The following SORCS3 variants were observed in gnomAD, a reference collection of about 807,000 sequenced individuals.
SORCS3 encodes VPS10 domain-containing receptor SorCS3.
A neutral mutation model predicts 146.3 loss-of-function variants in SORCS3; 57 were observed. That is an observed-to-expected ratio of 0.39 (90% CI 0.31 to 0.49). SORCS3 has a LOEUF of 0.49. SORCS3 is among the 20% of genes least tolerant of loss of function. SORCS3 has a pLI of 0.92. For synonymous variants in SORCS3, 653 were observed against 618.5 expected, an observed-to-expected ratio of 1.06 and a Z score of -0.83; for missense variants, 1,341 against 1,575.5, an observed-to-expected ratio of 0.85 and a Z score of 2.52.
chr10:104,747,597 C>T (rs951618176), intron 1 of SORCS3, among the ~76,000 whole-genome samples: 6 of 152,178 alleles, frequency 3.9e-5, no homozygotes, highest in Non-Finnish European at 8.8e-5. Context: ...AAATGCTTCC[C>T]ATATGTGGTG....
At chr10:104,917,919 G>A (rs1410772963) in intron 3 of SORCS3, among the ~76,000 whole-genome samples, 5 of 152,202 alleles carry the variant, frequency 3.3e-5, no homozygotes, top group Admixed American at 6.5e-5. Flanking sequence ...CATGGCTGTT[G>A]TGAGTAGTGC....
intron 9 of SORCS3, among the ~76,000 whole-genome samples, chr10:105,149,891 T>C (rs191120109): frequency 6.6e-6 from 1 of 152,320 alleles, no homozygotes; most frequent in Admixed American, 6.5e-5. Context: ...AATTTTTTTC[T>C]TTCCACTTAA....
At position 104,641,545 on chromosome 10, in the gene SORCS3, C is replaced by T. The variant is rs1448749912; in HGVS notation, c.218C>T (p.Ala73Val). ...AVASQWPEEL[A>V]SARRAAVLGR... ...GCCAGCCAGTGGCCGGAGGAGCTGG[C>T]GTCGGCGCGGAGAGCCGCCGTGCTG... The change falls in exon 1 of 27, where the codon GCG becomes GTG. Residue 73 changes from alanine to valine, a missense_variant. Physicochemically the swap from Ala to Val is moderately conservative, Grantham distance 64. Transcript: ENST00000369701. The surrounding 1 kb of genome is among the most constrained non-coding windows in gnomAD (Gnocchi z 6.4). The T allele has an allele frequency of 1.4e-6, 2 of 1,471,536 alleles. No homozygotes were observed. Among genetic ancestry groups the T allele is most frequent in the Non-Finnish European group, 1.8e-6 (2 of 1,121,318 alleles). The allele number at this position is 1,471,536 out of a possible 1,614,324, so 91.2% of individuals were successfully genotyped here.
chr10:104,767,111 T>C (rs2017190152), intron 1 of SORCS3, among the ~76,000 whole-genome samples: 1 of 152,150 alleles, frequency 6.6e-6, no homozygotes, highest in East Asian at 1.9e-4. Context: ...ATCCCCAAGT[T>C]CTCCTTGCCT....
At chr10:104,793,885 C>T (rs1278737491) in intron 1 of SORCS3, among the ~76,000 whole-genome samples, 1 of 152,066 alleles carries the variant, frequency 6.6e-6, no homozygotes, top group Non-Finnish European at 1.5e-5. Flanking sequence ...ATTTAGGTGG[C>T]AATGAAACCG....
At chr10:104,973,173 C>T (rs1227682251) in intron 3 of SORCS3, among the ~76,000 whole-genome samples, 1 of 152,184 alleles carries the variant, frequency 6.6e-6, no homozygotes, top group African/African-American at 2.4e-5. Flanking sequence ...GGTTGTGTCT[C>T]TGCCCAGCTT....
chr10:104,757,830 C>G (rs187599056), intron 1 of SORCS3, among the ~76,000 whole-genome samples: 96 of 148,770 alleles, frequency 6.5e-4, no homozygotes, highest in African/African-American at 2.3e-3. Context: ...GTGCTTGATT[C>G]TCTACTTGCG....
chr10:104,886,124 C>T (rs930399069), intron 2 of SORCS3, among the ~76,000 whole-genome samples: 1 of 152,148 alleles, frequency 6.6e-6, no homozygotes, highest in African/African-American at 2.4e-5. Flanking sequence ...CTCCATGCTC[C>T]ATAGTCCTTA....
At chr10:104,751,663 A>G (rs1239183370) in intron 1 of SORCS3, among the ~76,000 whole-genome samples, 2 of 151,920 alleles carry the variant, frequency 1.3e-5, no homozygotes, top group African/African-American at 4.8e-5. Flanking sequence ...GTGAAATGAG[A>G]GGCTAAAATC....
At chr10:104,825,816 G>A (rs1204494772) in intron 1 of SORCS3, among the ~76,000 whole-genome samples, 1 of 152,136 alleles carries the variant, frequency 6.6e-6, no homozygotes, top group Non-Finnish European at 1.5e-5. Context: ...GAATGAGAGT[G>A]AATGGATTTT....
At chr10:105,109,192 CTCTT>C (rs1347313122) in intron 7 of SORCS3, among the ~76,000 whole-genome samples, 8 of 152,116 alleles carry the variant, frequency 5.3e-5, no homozygotes, top group Non-Finnish European at 8.8e-5. Context: ...TTTTCTCCCT[CTCTT>C]TAATTCTTCC....
intron 1 of SORCS3, among the ~76,000 whole-genome samples, chr10:104,736,798 T>C (rs568980306): frequency 3.3e-5 from 5 of 151,426 alleles, no homozygotes; most frequent in African/African-American, 1.2e-4. Flanking sequence ...ATTATTATTA[T>C]ACTTAAAGTT....
At chr10:104,670,036 C>CGAA (rs1334006738) in intron 1 of SORCS3, among the ~76,000 whole-genome samples, 3 of 151,982 alleles carry the variant, frequency 2.0e-5, no homozygotes, top group Non-Finnish European at 4.4e-5. Context: ...GGAGAAATGT[C>CGAA]TATTCAAGTC....
intron 1 of SORCS3, among the ~76,000 whole-genome samples, chr10:104,651,535 A>T (rs1462520862): frequency 6.7e-4 from 94 of 140,694 alleles, no homozygotes; most frequent in African/African-American, 2.0e-3. Context: ...GGCTCTACTA[A>T]AAAAAAAAAA....
rs114528742 is a variant in SORCS3, at chr10:104,782,617, T to C, written c.628-60175T>C. Among the ~76,000 whole-genome samples the C allele has an allele frequency of 5.7e-3, 869 of 152,342 alleles. 6 individuals carry two copies. Among genetic ancestry groups the C allele is most frequent in the African/African-American group, 0.02 (829 of 41,582 alleles). On this transcript the variant is annotated intron_variant, in intron 1 of 26. Coordinates refer to ENST00000369701, the MANE Select transcript of SORCS3 (RefSeq NM_014978.3). ...TATTCCAAGGGAACTCATTCTGTTG[T>C]AGAGTTAGAACACTCTTCTTATGTT... is the stretch of plus-strand genomic sequence containing the variant.
At chr10:104,736,455 C>T (rs1487408982) in intron 1 of SORCS3, among the ~76,000 whole-genome samples, 3 of 152,140 alleles carry the variant, frequency 2.0e-5, no homozygotes, top group South Asian at 2.1e-4. Context: ...TGTTTTGTTG[C>T]ACATGAGGGC....
intron 7 of SORCS3, among the ~76,000 whole-genome samples, chr10:105,106,338 C>T (rs2055821679): frequency 1.3e-5 from 2 of 152,208 alleles, no homozygotes; most frequent in Admixed American, 6.5e-5. Flanking sequence ...CTCTACCTGA[C>T]CCCTGGTAGT....
At chr10:104,649,661 C>T (rs943717867) in intron 1 of SORCS3, among the ~76,000 whole-genome samples, 4 of 152,110 alleles carry the variant, frequency 2.6e-5, no homozygotes, top group African/African-American at 9.7e-5. Context: ...TCTTTTATGT[C>T]GTGCTAAAGT....
In SORCS3 at chr10:105,042,211, G is replaced by A. The variant is rs79936893; in HGVS notation, c.955-844G>A. On this transcript the variant is annotated intron_variant, in intron 4 of 26. Coordinates refer to ENST00000369701, the MANE Select transcript of SORCS3 (RefSeq NM_014978.3). ...TACTATGAACAGCTTCTTAGAGGCA[G>A]GCAGTGAATACAGTGGTGGCACCGT... Among the ~76,000 whole-genome samples the A allele has an allele frequency of 2.2e-3, 338 of 152,252 alleles. 2 individuals carry two copies. Among genetic ancestry groups the A allele is most frequent in the African/African-American group, 7.4e-3 (308 of 41,558 alleles).
Sources: allele counts gnomAD v4.1 joint callset (sites outside exome capture counted in the v4.1 genomes callset), GRCh38; gene constraint gnomAD v4.1.1; non-coding constraint Gnocchi (gnomAD v3.1); transcripts MANE v1.5; gene names NCBI Gene and HGNC (gene_info 2026-07-23, HGNC 2026-07-21).